PANK2: variants seen among roughly 807,000 people sequenced by gnomAD.
PANK2 encodes the protein pantothenate kinase 2.
PANK2 carries 36 observed loss-of-function variants against 43.1 expected under a neutral mutation model. The ratio of observed to expected loss-of-function variants is 0.84; its 90% CI spans 0.64 to 1.10. The LOEUF (loss-of-function observed/expected upper bound fraction) is 1.10. Among genes scored for constraint, PANK2 ranks in the 50% least tolerant of loss-of-function variants. The probability of loss-of-function intolerance (pLI) is 0.00; values close to 1 mark genes in which losing one functional copy is unlikely to be tolerated. For synonymous variants in PANK2, 281 were observed against 238.2 expected, an observed-to-expected ratio of 1.18 and a Z score of -1.66; for missense variants, 576 against 593.3, an observed-to-expected ratio of 0.97 and a Z score of 0.30.
In PANK2 at chr20:3,923,133, T is replaced by C. The variant is rs2090672781; in HGVS notation, c.1333-111T>C. 6.4e-6 allele frequency: 8 copies of C among 1,251,036 alleles called. No homozygotes were observed. The South Asian group carries it at 9.6e-5, about 15-fold the overall frequency. The allele number at this position is 1,251,036 out of a possible 1,614,324, so 77.5% of individuals were successfully genotyped here. ...TGGCCCTTCTGGGGTGCTCAGGAAATGGGTATGCTGTGTGTGGGCAGTGGT... is the reference window on the plus strand; with the variant it reads ...TGGCCCTTCTGGGGTGCTCAGGAAACGGGTATGCTGTGTGTGGGCAGTGGT... On this transcript the variant is annotated intron_variant, in intron 6 of 6. Coordinates refer to ENST00000610179, the MANE Select transcript of PANK2 (RefSeq NM_001386393.1).
intron 1 of PANK2, among the ~76,000 whole-genome samples, chr20:3,903,495 T>C (rs1310398848): frequency 1.4e-5 from 2 of 146,754 alleles, no homozygotes; most frequent in East Asian, 4.1e-4. Flanking sequence ...AGACTGAGTT[T>C]TGCTCTTGTT....
rs2090414242 is a variant in PANK2 at position 3,908,033 on chromosome 20, A to C, written c.406A>C (p.Lys136Gln). The change falls in exon 2 of 7, where the codon AAA becomes CAA. Residue 136 changes from lysine (K) to glutamine (Q), a missense_variant. By Grantham distance (53) the Lys-to-Gln change is moderately conservative. Transcript: ENST00000610179. ...AGAAGAGGAAGAAGTGGAAAGTCTT[A>C]AAAGCATTCGGAAGTACCTGACCTC... 6.2e-7 allele frequency: 1 copy of C among 1,614,042 alleles called. No individual in the cohort carries two copies. The highest frequency in any genetic ancestry group is 8.5e-7 in the Non-Finnish European group (1 of 1,180,010).
At chr20:3,896,808 C>G (rs1257094632) in intron 1 of PANK2, among the ~76,000 whole-genome samples, 1 of 152,208 alleles carries the variant, frequency 6.6e-6, no homozygotes, top group Non-Finnish European at 1.5e-5. Context: ...CTATGCGTCT[C>G]TTCCTCTGAA....
At chr20:3,902,638 C>G (rs544741578) in intron 1 of PANK2, among the ~76,000 whole-genome samples, 11 of 150,458 alleles carry the variant, frequency 7.3e-5, no homozygotes, top group African/African-American at 2.7e-4. Context: ...CCTGGCTGAT[C>G]TTGGACTCCT....
chr20:3,889,035 C>T, upstream of PANK2: 2 of 1,367,714 alleles, frequency 1.5e-6, no homozygotes, highest in South Asian at 2.8e-5. Flanking sequence ...CGGGGTCGCC[C>T]CAGGAGAGTT....
At chr20:3,909,688 C>T (rs2090438328) in intron 2 of PANK2, among the ~76,000 whole-genome samples, 1 of 152,140 alleles carries the variant, frequency 6.6e-6, no homozygotes, top group African/African-American at 2.4e-5. Flanking sequence ...CTCCTGGGTT[C>T]AAGAGATTCT....
At chr20:3,920,300 T>TC in intron 6 of PANK2, among the ~76,000 whole-genome samples, 1 of 149,060 alleles carries the variant, frequency 6.7e-6, no homozygotes, top group Non-Finnish European at 1.5e-5. Flanking sequence ...TCACCTAAGG[T>TC]CAGGAGACCA....
chr20:3,895,275 A>C (rs1449134773), intron 1 of PANK2, among the ~76,000 whole-genome samples: 1 of 151,618 alleles, frequency 6.6e-6, no homozygotes, highest in Non-Finnish European at 1.5e-5. Flanking sequence ...CTCCATCTCA[A>C]ATAAAATAAA....
chr20:3,920,367 T>C (rs558138453), intron 6 of PANK2, among the ~76,000 whole-genome samples: 2 of 151,756 alleles, frequency 1.3e-5, no homozygotes, highest in South Asian at 4.2e-4. Context: ...AATACAAAAA[T>C]TAGCTGGGCG....
chr20:3,913,360 T>A (rs2090499545), intron 4 of PANK2, among the ~76,000 whole-genome samples: 1 of 152,192 alleles, frequency 6.6e-6, no homozygotes, highest in Admixed American at 6.5e-5. Flanking sequence ...TTCTTTTTTC[T>A]GAGACGGCGT....
At chr20:3,912,002 AAAAC>A (rs2090475441) in intron 3 of PANK2, among the ~76,000 whole-genome samples, 1 of 152,226 alleles carries the variant, frequency 6.6e-6, no homozygotes, top group Admixed American at 6.5e-5. Flanking sequence ...TTTTTTTAAA[AAAAC>A]AGTTGTGATT....
At chr20:3,912,849 C>T (rs1231130003) in intron 4 of PANK2, among the ~76,000 whole-genome samples, 2 of 137,480 alleles carry the variant, frequency 1.5e-5, no homozygotes, top group African/African-American at 5.4e-5. Context: ...ACTTGGGAGG[C>T]TGAGGCAGGA....
intron 4 of PANK2, among the ~76,000 whole-genome samples, chr20:3,914,603 A>T (rs1009787517): frequency 7.0e-5 from 10 of 142,116 alleles, no homozygotes; most frequent in Non-Finnish European, 1.4e-4. Flanking sequence ...CTGGCTGAAC[A>T]TTTTTTTTGT....
chr20:3,920,414 G>A (rs1251557463), intron 6 of PANK2, among the ~76,000 whole-genome samples: 1 of 152,186 alleles, frequency 6.6e-6, no homozygotes, highest in Non-Finnish European at 1.5e-5. Context: ...CTACTCGGGA[G>A]GCTGAGACAG....
chr20:3,903,018 C>CACA (rs1568564383), intron 1 of PANK2, among the ~76,000 whole-genome samples: 2 of 141,296 alleles, frequency 1.4e-5, no homozygotes, highest in South Asian at 2.3e-4. Context: ...CACACACACA[C>CACA]CCCTTTTACC....
At chr20:3,913,065 A>G (rs1322708171) in intron 4 of PANK2, among the ~76,000 whole-genome samples, 1 of 151,930 alleles carries the variant, frequency 6.6e-6, no homozygotes, top group African/African-American at 2.4e-5. Flanking sequence ...TTTCTAGTAT[A>G]TTTACAGGAT....
chr20:3,911,477 G>A (rs984904913), intron 3 of PANK2, among the ~76,000 whole-genome samples: 1 of 151,710 alleles, frequency 6.6e-6, no homozygotes, highest in Non-Finnish European at 1.5e-5. Context: ...CCAGCTACTC[G>A]GGAGGCTGAG....
intron 1 of PANK2, among the ~76,000 whole-genome samples, chr20:3,898,479 C>T (rs1290396407): frequency 6.6e-6 from 1 of 152,132 alleles, no homozygotes; most frequent in East Asian, 1.9e-4. Flanking sequence ...GGATTATAGG[C>T]ATGAGCTGCC....
intron 4 of PANK2, among the ~76,000 whole-genome samples, chr20:3,913,979 T>C (rs6116096): frequency 0.11 from 16,410 of 151,486 alleles, 948 homozygotes; most frequent in African/African-American, 0.14. Flanking sequence ...TTAGCAGAGA[T>C]GGGGTTTCAC....
Sources: allele counts gnomAD v4.1 joint callset (sites outside exome capture counted in the v4.1 genomes callset), GRCh38; gene constraint gnomAD v4.1.1; transcripts MANE v1.5; gene names NCBI Gene and HGNC (gene_info 2026-07-23, HGNC 2026-07-21).